REV3L: variants seen among roughly 807,000 people sequenced by gnomAD.
REV3L encodes DNA polymerase zeta catalytic subunit.
In REV3L, 69 loss-of-function variants were observed where a neutral mutation model predicts 299.4. The ratio of observed to expected loss-of-function variants is 0.23; its 90% CI spans 0.19 to 0.28. REV3L has a LOEUF of 0.28. REV3L is among the 10% of genes least tolerant of loss of function. The probability of loss-of-function intolerance (pLI) is 1.00; values close to 1 mark genes in which losing one functional copy is unlikely to be tolerated. For missense variants in REV3L, 3,128 were observed against 3,693.8 expected, an observed-to-expected ratio of 0.85 and a Z score of 3.97; for synonymous variants, 1,238 against 1,271.4, an observed-to-expected ratio of 0.97 and a Z score of 0.56.
chr6:111,441,510 C>G (rs569709334), intron 1 of REV3L, among the ~76,000 whole-genome samples: 8 of 152,308 alleles, frequency 5.3e-5, no homozygotes, highest in Admixed American at 1.3e-4. Flanking sequence ...CCTCGCTTCC[C>G]AAAGTGCTGA....
intron 10 of REV3L, 66 bp downstream of exon 10, chr6:111,381,258 GC>G: frequency 6.7e-7 from 1 of 1,493,152 alleles, no homozygotes; most frequent in Non-Finnish European, 9.1e-7. Context: ...AAAAAAAAAT[GC>G]CTCTTCACAA....
In REV3L at chr6:111,405,593, T is replaced by C. The variant is rs1460192200; in HGVS notation, c.442A>G (p.Lys148Glu). The change falls in exon 4 of 32, where the codon AAA (lysine) becomes GAA (glutamate). Residue 148 changes from lysine to glutamate, a missense_variant. Physicochemically the swap from Lys to Glu is moderately conservative, Grantham distance 56. Transcript: ENST00000368802. ...ELLQSGAIMN[K>E]FYQPHEAHIP... ...TGCGCTTCATGAGGCTGGTAAAATT[T>C]ATTCATTATGGCTCCGCTTTGCAAA... 2.7e-5 allele frequency: 43 copies of C among 1,607,100 alleles called. No individual in the cohort carries two copies. Among genetic ancestry groups the C allele is most frequent in the Non-Finnish European group, 3.3e-5 (39 of 1,177,566 alleles).
intron 3 of REV3L, among the ~76,000 whole-genome samples, chr6:111,408,385 C>A (rs1370887013): frequency 6.6e-6 from 1 of 152,064 alleles, no homozygotes; most frequent in Non-Finnish European, 1.5e-5. Context: ...GGCGGATCAC[C>A]TGAGGTCAGG....
At chr6:111,394,102 G>A (rs543458572) in intron 4 of REV3L, among the ~76,000 whole-genome samples, 31 of 152,294 alleles carry the variant, frequency 2.0e-4, no homozygotes, top group African/African-American at 6.7e-4. Flanking sequence ...TGGGGGTGTA[G>A]GTTATCTATC....
At chr6:111,438,976 C>CA (rs1787923918) in intron 1 of REV3L, among the ~76,000 whole-genome samples, 1 of 152,138 alleles carries the variant, frequency 6.6e-6, no homozygotes, top group African/African-American at 2.4e-5. Context: ...TTGAAGTATA[C>CA]ATTTGCAACT....
chr6:111,364,874 G>T (rs138983917), intron 15 of REV3L, among the ~76,000 whole-genome samples: 1 of 151,672 alleles, frequency 6.6e-6, no homozygotes, highest in African/African-American at 2.4e-5. Flanking sequence ...AATCAATAAG[G>T]TTATATTTTA....
intron 1 of REV3L, among the ~76,000 whole-genome samples, chr6:111,442,563 C>T (rs1021755073): frequency 6.6e-6 from 1 of 152,156 alleles, no homozygotes; most frequent in African/African-American, 2.4e-5. Flanking sequence ...TATGGTAGTG[C>T]TTTGCATTTT....
chr6:111,372,705 G>A lies in REV3L; in HGVS notation c.5650C>T (p.Pro1884Ser). ...GCCATAATTTCTTCCCTACTTGGGG[G>A]GGACATAAGTGGTTTCAGAATGTTA... ...TANILKPLMS[P>S]PSREEIMATL... The change falls in exon 13 of 32, where the codon CCC becomes TCC. Residue 1884 changes from proline (P) to serine (S), a missense_variant. By Grantham distance (74) the Pro-to-Ser change is moderately conservative. Transcript: ENST00000368802. 1 of 1,605,788 alleles carries A rather than the reference G, an allele frequency of 6.2e-7. No individual in the cohort carries two copies. Among genetic ancestry groups the A allele is most frequent in the Non-Finnish European group, 8.5e-7 (1 of 1,176,500 alleles).
intron 1 of REV3L, among the ~76,000 whole-genome samples, chr6:111,430,059 G>A (rs546330011): frequency 2.0e-5 from 3 of 152,260 alleles, no homozygotes; most frequent in African/African-American, 7.2e-5. Context: ...GGAAGAAAAG[G>A]GGAGAAAACA....
At chr6:111,342,339 G>A (rs1776579365) in intron 21 of REV3L, among the ~76,000 whole-genome samples, 1 of 152,094 alleles carries the variant, frequency 6.6e-6, no homozygotes, top group South Asian at 2.1e-4. Flanking sequence ...TTGCCTCTGT[G>A]GGAAGAGCAG....
upstream of REV3L, chr6:111,483,633 G>A (rs1312581722): frequency 1.1e-5 from 5 of 436,230 alleles, no homozygotes; most frequent in African/African-American, 8.4e-5. Context: ...AGCAGAGGAG[G>A]CGGGGGCAGC....
intron 4 of REV3L, among the ~76,000 whole-genome samples, chr6:111,395,962 T>C (rs1388271206): frequency 6.6e-6 from 1 of 152,196 alleles, no homozygotes; most frequent in Non-Finnish European, 1.5e-5. Context: ...GTTTTTGTCC[T>C]TCATTCTGTT....
At chr6:111,475,414 AT>A (rs1792825093) in intron 1 of REV3L, among the ~76,000 whole-genome samples, 1 of 152,238 alleles carries the variant, frequency 6.6e-6, no homozygotes, top group South Asian at 2.1e-4. Context: ...CTGTGTTTTA[AT>A]TTTTGAAAAC....
chr6:111,400,193 T>C (rs781728802), intron 4 of REV3L, among the ~76,000 whole-genome samples: 4 of 152,214 alleles, frequency 2.6e-5, no homozygotes, highest in Non-Finnish European at 5.9e-5. Flanking sequence ...TGAATAAAGT[T>C]GCTATAAACA....
At chr6:111,456,966 A>G (rs1421768816) in intron 1 of REV3L, among the ~76,000 whole-genome samples, 2 of 152,154 alleles carry the variant, frequency 1.3e-5, no homozygotes, top group Non-Finnish European at 2.9e-5. Context: ...GATATTTCTA[A>G]GTTTAAATTT....
At position 111,410,739 on chromosome 6, in the gene REV3L, T is replaced by C. The variant is rs984261690; in HGVS notation, c.404+741A>G. ...ATGTTCTGGGCAGTCGTGCCCCCTG[T>C]AGTGCTTTAATTCACTATGGGAAAA... On this transcript the variant is annotated intron_variant, in intron 3 of 31. Transcript: ENST00000368802. Among the ~76,000 whole-genome samples the C allele has an allele frequency of 1.4e-4, 21 of 152,208 alleles. 1 individual carries two copies. The highest frequency in any genetic ancestry group is 1.1e-3 in the Admixed American group (17 of 15,282).
chr6:111,414,100 T>C (rs1582898016), intron 2 of REV3L, among the ~76,000 whole-genome samples: 1 of 151,954 alleles, frequency 6.6e-6, no homozygotes, highest in Admixed American at 6.6e-5. Context: ...CACATAAAAA[T>C]TAAGTAAATA....
At chr6:111,333,455 T>G in intron 22 of REV3L, 88 bp from the exon 23 acceptor site, 1 of 1,495,338 alleles carries the variant, frequency 6.7e-7, no homozygotes, top group Non-Finnish European at 9.0e-7. Context: ...GATAATCTGC[T>G]TTTCAGAATA....
At chr6:111,343,716 G>A (rs1287028673) in intron 21 of REV3L, among the ~76,000 whole-genome samples, 1 of 152,120 alleles carries the variant, frequency 6.6e-6, no homozygotes, top group East Asian at 1.9e-4. Context: ...TTTTAGTAGA[G>A]ATGGGGTTTC....
Sources: gnomAD v4.1 joint callset for allele counts (sites outside exome capture counted in the v4.1 genomes callset) on GRCh38, gnomAD v4.1.1 for gene constraint, MANE v1.5 for transcripts, NCBI Gene and HGNC (gene_info 2026-07-23, HGNC 2026-07-21) for gene names.